RAD51C: variants seen among roughly 807,000 people sequenced by gnomAD.
The protein encoded by RAD51C is RAD51 paralog C, also known as DNA repair protein RAD51 homolog 3.
A neutral mutation model predicts 45.0 loss-of-function variants in RAD51C; 42 were observed. That is an observed-to-expected ratio of 0.93 (90% CI 0.73 to 1.21). RAD51C has a LOEUF of 1.21. Among genes scored for constraint, RAD51C ranks in the 50% most tolerant of loss-of-function variants. The probability of loss-of-function intolerance (pLI) is 0.00; values close to 1 mark genes in which losing one functional copy is unlikely to be tolerated. For synonymous variants in RAD51C, 172 were observed against 159.8 expected (o/e 1.08, Z -0.58); for missense variants, 474 against 452.2 (o/e 1.05, Z -0.44).
chr17:58,705,426 C>T (rs891105714), intron 4 of RAD51C, among the ~76,000 whole-genome samples: 4 of 151,844 alleles, frequency 2.6e-5, no homozygotes, highest in African/African-American at 9.7e-5. Flanking sequence ...CTCCACCTCC[C>T]GGATTCAAGC....
At chr17:58,725,244 A>G (rs1293708720) in intron 7 of RAD51C, among the ~76,000 whole-genome samples, 1 of 152,142 alleles carries the variant, frequency 6.6e-6, no homozygotes, top group African/African-American at 2.4e-5. Context: ...TCACAATTTA[A>G]GGTAGTTCCT....
rs1555605530 is a variant in RAD51C, at chr17:58,734,128, T to C, written c.1037T>C (p.Phe346Ser). Reference sequence around the variant, plus strand: ...TTTTTTATCTTTCAGCCTCAGGGATTTAGAGATACTGTTGTTACTTCTGCA... The same window carrying C: ...TTTTTTATCTTTCAGCCTCAGGGATCTAGAGATACTGTTGTTACTTCTGCA... Reference protein sequence around the residue: ...TVLFQIKPQGFRDTVVTSACS... With the variant: ...TVLFQIKPQGSRDTVVTSACS... The change falls in exon 9 of 9, where the codon TTT becomes TCT. Residue 346 changes from phenylalanine (F) to serine (S), a missense_variant. Transcript: ENST00000337432. The C allele has an allele frequency of 1.9e-6, 3 of 1,613,222 alleles. No homozygotes were observed. In the East Asian group the frequency reaches 6.7e-5, roughly 36 times the overall value.
chr17:58,732,586 G>A (rs376484328), intron 8 of RAD51C, 42 bp downstream of exon 8: 2 of 1,550,648 alleles, frequency 1.3e-6, no homozygotes, highest in Non-Finnish European at 1.8e-6. Flanking sequence ...ATATTGATGG[G>A]CGGTAATTAT....
intron 3 of RAD51C, among the ~76,000 whole-genome samples, chr17:58,698,801 A>T (rs1239228615): frequency 6.6e-6 from 1 of 150,920 alleles, no homozygotes; most frequent in East Asian, 2.1e-4. Context: ...AGGTACCTGT[A>T]ATCCCAGCTA....
intron 5 of RAD51C, among the ~76,000 whole-genome samples, chr17:58,719,099 C>T (rs985846366): frequency 1.3e-5 from 2 of 152,162 alleles, no homozygotes; most frequent in Non-Finnish European, 2.9e-5. Flanking sequence ...TGGCAGGCAC[C>T]TGTAATCCTA....
At chr17:58,704,457 A>G (rs1469863316) in intron 4 of RAD51C, among the ~76,000 whole-genome samples, 2 of 145,940 alleles carry the variant, frequency 1.4e-5, no homozygotes, top group Admixed American at 6.8e-5. Context: ...TTTTTTTTAT[A>G]TTTTTGGTAG....
intron 2 of RAD51C, 87 bp from the exon 3 acceptor site, chr17:58,696,606 A>C: frequency 6.6e-7 from 1 of 1,522,076 alleles, no homozygotes; most frequent in Non-Finnish European, 9.1e-7. Context: ...AACTTTAGTG[A>C]TACCTAACTT....
chr17:58,713,410 G>C (rs2048626368), intron 5 of RAD51C, among the ~76,000 whole-genome samples: 1 of 151,942 alleles, frequency 6.6e-6, no homozygotes, highest in South Asian at 2.1e-4. Flanking sequence ...GCATGATCTT[G>C]GTTCACTGTA....
At chr17:58,717,811 G>A (rs543138505) in intron 5 of RAD51C, among the ~76,000 whole-genome samples, 1 of 152,264 alleles carries the variant, frequency 6.6e-6, no homozygotes, top group Admixed American at 6.5e-5. Flanking sequence ...CCCGATGAGA[G>A]GTAACAAATG....
chr17:58,725,807 A>G (rs1417048947), intron 7 of RAD51C, among the ~76,000 whole-genome samples: 1 of 152,142 alleles, frequency 6.6e-6, no homozygotes, highest in Non-Finnish European at 1.5e-5. Flanking sequence ...ATCCTGGCCA[A>G]CATGGTGAAA....
intron 8 of RAD51C, among the ~76,000 whole-genome samples, chr17:58,733,185 T>G (rs539921335): frequency 1.2e-4 from 18 of 152,152 alleles, no homozygotes; most frequent in Admixed American, 3.9e-4. Flanking sequence ...CTGGCTAATT[T>G]TTGTGTTTTT....
At chr17:58,726,417 T>G (rs1215594980) in intron 7 of RAD51C, among the ~76,000 whole-genome samples, 2 of 97,778 alleles carry the variant, frequency 2.0e-5, no homozygotes, top group Non-Finnish European at 4.2e-5. Flanking sequence ...ATATATAGAT[T>G]ATATGTATAT....
intron 5 of RAD51C, among the ~76,000 whole-genome samples, chr17:58,711,334 TGAGTG>T (rs1313042804): frequency 6.6e-6 from 1 of 152,182 alleles, no homozygotes; most frequent in East Asian, 1.9e-4. Context: ...TATATGTTAT[TGAGTG>T]AAGAAATTTA....
chr17:58,732,534 T>C lies in RAD51C; in HGVS notation c.1016T>C (p.Phe339Ser), dbSNP rs1060502602. The C allele has an allele frequency of 6.2e-7, 1 of 1,612,634 alleles. No individual in the cohort carries two copies. The highest frequency in any genetic ancestry group is 1.3e-5 in the African/African-American group (1 of 74,890). ...SPSQKECTVL[F>S]QIKPQGFRDT... ...AGCCAGAAGGAATGCACAGTACTGT[T>C]TCAAATCAAAGTCAGTATTATTTGA... The change falls in exon 8 of 9, where the codon TTT (phenylalanine) becomes TCT (serine). Residue 339 changes from phenylalanine (F) to serine (S), a missense_variant. By Grantham distance (155) the Phe-to-Ser change is radical. Transcript: ENST00000337432.
intron 3 of RAD51C, among the ~76,000 whole-genome samples, chr17:58,702,000 T>C (rs1430826053): frequency 7.7e-6 from 1 of 130,550 alleles, no homozygotes; most frequent in African/African-American, 2.7e-5. Flanking sequence ...TTTATTTTTT[T>C]GTTTTTTTTT....
chr17:58,696,303 G>T (rs746006604), intron 2 of RAD51C, among the ~76,000 whole-genome samples: 4 of 151,732 alleles, frequency 2.6e-5, no homozygotes, highest in African/African-American at 9.7e-5. Flanking sequence ...CGTGGTGGCG[G>T]GTGCTTGTAG....
At position 58,694,992 on chromosome 17, in the gene RAD51C, C is replaced by T. The variant is rs1057523582; in HGVS notation, c.207C>T (p.Leu69=). 6.2e-7 allele frequency: 1 copy of T among 1,614,052 alleles called. No homozygotes were observed. Among genetic ancestry groups the T allele is most frequent in the Non-Finnish European group, 8.5e-7 (1 of 1,179,986 alleles). ...TGCAAATTATCAGAAGAGAATGTCT[C>T]ACAAATAAACCAAGATATGCTGGTA... The part of the protein sequence containing the change: ...ETLQIIRREC[L]TNKPRYAGTS... Residue 69 remains leucine, a synonymous_variant, in exon 2 of 9, where the codon CTC becomes CTT. Transcript: ENST00000337432.
intron 4 of RAD51C, among the ~76,000 whole-genome samples, chr17:58,705,037 A>G (rs908158074): frequency 6.6e-6 from 1 of 151,920 alleles, no homozygotes; most frequent in African/African-American, 2.4e-5. Flanking sequence ...AGGCTGAGAC[A>G]GGAGAATCGC....
intron 7 of RAD51C, among the ~76,000 whole-genome samples, chr17:58,726,444 A>G (rs2049132668): frequency 6.6e-6 from 1 of 150,574 alleles, no homozygotes; most frequent in South Asian, 2.1e-4. Flanking sequence ...ATACGTATAG[A>G]TGTATATACA....
Sources: gnomAD v4.1 joint callset for allele counts (sites outside exome capture counted in the v4.1 genomes callset) on GRCh38, gnomAD v4.1.1 for gene constraint, MANE v1.5 for transcripts, NCBI Gene and HGNC (gene_info 2026-07-23, HGNC 2026-07-21) for gene names.